The following KCNIP4 variants were observed in gnomAD, a reference collection of about 807,000 sequenced individuals.
KCNIP4 encodes the protein potassium voltage-gated channel interacting protein 4.
Under a neutral mutation model 34.0 loss-of-function variants are expected in KCNIP4, and 12 were observed. That is an observed-to-expected ratio of 0.35 (90% CI 0.23 to 0.57). The LOEUF is 0.57. Among genes scored for constraint, KCNIP4 ranks in the 20% least tolerant of loss-of-function variants. The pLI is 0.83. For missense variants in KCNIP4, 238 were observed against 311.7 expected, an observed-to-expected ratio of 0.76 and a Z score of 1.78; for synonymous variants, 124 against 102.2, an observed-to-expected ratio of 1.21 and a Z score of -1.29.
rs1714215293 is a variant in KCNIP4 at position 20,801,404 on chromosome 4, TA to T, written c.289-42515del. The stretch of plus-strand genomic sequence containing the variant: ...AGTCAAGTTCAGAATACTCCAGTAC[TA>T]TAATGGTGGTATGTAAATTATACAT... On this transcript the variant is annotated intron_variant, in intron 3 of 8. Coordinates refer to ENST00000382152, the MANE Select transcript of KCNIP4 (RefSeq NM_025221.6). Among the ~76,000 whole-genome samples, 5 of 152,256 alleles carry T rather than the reference TA, an allele frequency of 3.3e-5. 1 individual carries two copies. The East Asian group carries it at 9.6e-4, about 29-fold the overall frequency.
At chr4:21,218,017 A>AT (rs201671894) in intron 1 of KCNIP4, among the ~76,000 whole-genome samples, 4,278 of 144,788 alleles carry the variant, frequency 0.03, 91 homozygotes, top group Non-Finnish European at 0.045. Context: ...TTATTTATTT[A>AT]TTATTATTAT....
chr4:21,564,426 G>T (rs867986219), intron 1 of KCNIP4, among the ~76,000 whole-genome samples: 14 of 152,234 alleles, frequency 9.2e-5, no homozygotes, highest in South Asian at 4.1e-4. Context: ...CACATTGGAG[G>T]AGGACTAACA....
At chr4:21,255,242 T>C (rs1431896626) in intron 1 of KCNIP4, among the ~76,000 whole-genome samples, 1 of 151,822 alleles carries the variant, frequency 6.6e-6, no homozygotes, top group African/African-American at 2.4e-5. Flanking sequence ...TCTCTCCCTC[T>C]CCATGAGGTC....
chr4:20,937,689 A>G (rs1011877143), intron 1 of KCNIP4, among the ~76,000 whole-genome samples: 2 of 152,204 alleles, frequency 1.3e-5, no homozygotes, highest in Non-Finnish European at 2.9e-5. Flanking sequence ...AAGTTTTAAG[A>G]CTTGAAAAAG....
At chr4:21,368,954 C>A (rs1720066559) in intron 1 of KCNIP4, among the ~76,000 whole-genome samples, 1 of 146,990 alleles carries the variant, frequency 6.8e-6, no homozygotes, top group Admixed American at 6.6e-5. Flanking sequence ...ATCCATTCAT[C>A]CACTAATCCA....
chr4:21,151,148 C>T (rs1336574211), intron 1 of KCNIP4, among the ~76,000 whole-genome samples: 1 of 152,070 alleles, frequency 6.6e-6, no homozygotes, highest in Non-Finnish European at 1.5e-5. Context: ...TGAAAGAAAC[C>T]TTTGTTCTTT....
At chr4:21,668,898 A>G (rs962827918) in intron 1 of KCNIP4, among the ~76,000 whole-genome samples, 1 of 152,022 alleles carries the variant, frequency 6.6e-6, no homozygotes, top group African/African-American at 2.4e-5. Flanking sequence ...CCACTTGCGG[A>G]TTGTTTTCAA....
chr4:20,896,366 C>T (rs940761426), intron 1 of KCNIP4, among the ~76,000 whole-genome samples: 2 of 152,156 alleles, frequency 1.3e-5, no homozygotes, highest in African/African-American at 4.8e-5. Flanking sequence ...AATTCATGTT[C>T]ATCTAGAACT....
intron 1 of KCNIP4, among the ~76,000 whole-genome samples, chr4:21,815,079 T>G (rs1721908662): frequency 6.6e-6 from 1 of 152,084 alleles, no homozygotes; most frequent in Non-Finnish European, 1.5e-5. Context: ...TGTTATTAAT[T>G]CATTTGAAAG....
At chr4:21,349,013 C>T (rs570810815) in intron 1 of KCNIP4, among the ~76,000 whole-genome samples, 11 of 152,224 alleles carry the variant, frequency 7.2e-5, no homozygotes, top group Admixed American at 2.6e-4. Flanking sequence ...TGGGAATAAA[C>T]GAGTTGGTTG....
intron 1 of KCNIP4, among the ~76,000 whole-genome samples, chr4:21,427,155 G>GTTA (rs959735606): frequency 6.6e-6 from 1 of 152,030 alleles, no homozygotes. Context: ...GTACAGTGAT[G>GTTA]TTATGCTAGG....
At chr4:21,290,660 G>C (rs1019441613) in intron 1 of KCNIP4, among the ~76,000 whole-genome samples, 12 of 152,198 alleles carry the variant, frequency 7.9e-5, no homozygotes, top group Non-Finnish European at 1.3e-4. Flanking sequence ...ATGAAACAAG[G>C]CTCTTGCCCG....
chr4:20,847,693 G>A (rs1219759229), intron 3 of KCNIP4, among the ~76,000 whole-genome samples: 2 of 152,044 alleles, frequency 1.3e-5, no homozygotes, highest in Non-Finnish European at 2.9e-5. Flanking sequence ...AAAATGCTAG[G>A]GGATGTATCA....
At chr4:21,533,851 CTGTGA>C (rs1560495042) in intron 1 of KCNIP4, among the ~76,000 whole-genome samples, 6 of 152,128 alleles carry the variant, frequency 3.9e-5, no homozygotes, top group African/African-American at 1.4e-4. Flanking sequence ...CAATCAAGTG[CTGTGA>C]ATAGCCATTG....
intron 1 of KCNIP4, among the ~76,000 whole-genome samples, chr4:21,583,256 A>T (rs1187270760): frequency 6.6e-6 from 1 of 152,006 alleles, no homozygotes; most frequent in African/African-American, 2.4e-5. Flanking sequence ...GCATCTGATA[A>T]ATCTAAAGTT....
At chr4:21,008,143 T>C (rs961516395) in intron 1 of KCNIP4, among the ~76,000 whole-genome samples, 1 of 152,202 alleles carries the variant, frequency 6.6e-6, no homozygotes, top group Non-Finnish European at 1.5e-5. Context: ...AATCTGTTGA[T>C]TTTTTCCAGC....
At chr4:21,651,259 T>G (rs1343465008) in intron 1 of KCNIP4, among the ~76,000 whole-genome samples, 1 of 152,140 alleles carries the variant, frequency 6.6e-6, no homozygotes, top group East Asian at 1.9e-4. Flanking sequence ...ACATAATTCT[T>G]GAAGGGAGTA....
intron 3 of KCNIP4, among the ~76,000 whole-genome samples, chr4:20,793,949 T>C (rs1262253700): frequency 6.6e-6 from 1 of 152,114 alleles, no homozygotes; most frequent in Non-Finnish European, 1.5e-5. Context: ...TGGGAGGTAA[T>C]TGAGTCATGG....
chr4:21,884,935 C>A (rs1219914794), intron 1 of KCNIP4, among the ~76,000 whole-genome samples: 2 of 126,622 alleles, frequency 1.6e-5, no homozygotes, highest in African/African-American at 5.1e-5. Flanking sequence ...ACCCTGCCAA[C>A]AAAAGTACAG....
Sources: allele counts gnomAD v4.1 joint callset (sites outside exome capture counted in the v4.1 genomes callset), GRCh38; gene constraint gnomAD v4.1.1; transcripts MANE v1.5; gene names NCBI Gene and HGNC (gene_info 2026-07-23, HGNC 2026-07-21).